Variants in DOK6 observed in about 807,000 individuals in gnomAD.
The protein encoded by DOK6 is docking protein 6.
DOK6 carries 22 observed loss-of-function variants against 44.0 expected under a neutral mutation model. That is an observed-to-expected ratio of 0.50 (90% CI 0.36 to 0.71). DOK6 has a LOEUF of 0.71. Among genes scored for constraint, DOK6 ranks in the 30% least tolerant of loss-of-function variants. The pLI, the probability that DOK6 is intolerant of heterozygous loss-of-function variation, is 0.00. For missense variants in DOK6, 340 were observed against 416.4 expected (o/e 0.82, Z 1.60); for synonymous variants, 166 against 145.5 (o/e 1.14, Z -1.01).
intron 1 of DOK6, 121 bp from the exon 2 acceptor site, chr18:69,564,366 T>C (rs1448419919): frequency 1.4e-6 from 1 of 701,456 alleles, no homozygotes; most frequent in Non-Finnish European, 2.4e-6. Flanking sequence ...AAGAACATGT[T>C]TGTCAATCAA....
At chr18:69,807,309 T>G (rs1374420627) in intron 7 of DOK6, among the ~76,000 whole-genome samples, 1 of 151,676 alleles carries the variant, frequency 6.6e-6, no homozygotes, top group Non-Finnish European at 1.5e-5. Flanking sequence ...AAACAGAAAG[T>G]AAGAAATCAA....
chr18:69,716,335 C>G (rs1287577392), intron 5 of DOK6, among the ~76,000 whole-genome samples: 1 of 152,180 alleles, frequency 6.6e-6, no homozygotes, highest in Non-Finnish European at 1.5e-5. Flanking sequence ...TTGAAAATGT[C>G]ACCATGCAAT....
intron 1 of DOK6, among the ~76,000 whole-genome samples, chr18:69,459,321 C>T (rs762434237): frequency 4.0e-5 from 6 of 151,582 alleles, no homozygotes; most frequent in Non-Finnish European, 7.4e-5. Flanking sequence ...TTCTAGGGCT[C>T]ATACATTTCT....
intron 7 of DOK6, among the ~76,000 whole-genome samples, chr18:69,793,707 T>A (rs1206018692): frequency 3.3e-5 from 5 of 152,108 alleles, no homozygotes; most frequent in Non-Finnish European, 5.9e-5. Flanking sequence ...AAACCCAAGT[T>A]TTCAGAGTTC....
chr18:69,455,156 C>CAA (rs58451274), intron 1 of DOK6, among the ~76,000 whole-genome samples: 11 of 117,432 alleles, frequency 9.4e-5, no homozygotes, highest in South Asian at 2.9e-4. Context: ...ATAGCTATAG[C>CAA]AAAAAAAAAA....
At chr18:69,557,389 A>G (rs532894632) in intron 1 of DOK6, among the ~76,000 whole-genome samples, 23 of 152,332 alleles carry the variant, frequency 1.5e-4, no homozygotes, top group African/African-American at 5.5e-4. Context: ...AATTACGGCT[A>G]TGAACTGAAG....
chr18:69,527,853 G>A (rs1981872768), intron 1 of DOK6, among the ~76,000 whole-genome samples: 1 of 151,988 alleles, frequency 6.6e-6, no homozygotes, highest in South Asian at 2.1e-4. Flanking sequence ...AATCATAAAG[G>A]TTACTTCCCA....
chr18:69,591,834 G>A (rs1188128537), intron 2 of DOK6, among the ~76,000 whole-genome samples: 1 of 152,012 alleles, frequency 6.6e-6, no homozygotes, highest in African/African-American at 2.4e-5. Context: ...GCTGAGCTTA[G>A]AGAAAGAATC....
chr18:69,612,399 T>TGCA (rs546114466), intron 3 of DOK6, among the ~76,000 whole-genome samples: 11 of 62,412 alleles, frequency 1.8e-4, no homozygotes, highest in Non-Finnish European at 3.1e-4. Context: ...CGAAGAGACT[T>TGCA]TGTGTGCGAG....
At chr18:69,415,550 ATATT>A (rs1463872797) in intron 1 of DOK6, among the ~76,000 whole-genome samples, 10 of 152,234 alleles carry the variant, frequency 6.6e-5, no homozygotes, top group African/African-American at 2.4e-4. Context: ...TAGGCACCAG[ATATT>A]TATTTTACCA....
intron 3 of DOK6, among the ~76,000 whole-genome samples, chr18:69,668,411 C>T (rs569856221): frequency 6.6e-6 from 1 of 151,970 alleles, no homozygotes; most frequent in Non-Finnish European, 1.5e-5. Flanking sequence ...TCATGCTATT[C>T]TTTTCATTTT....
At chr18:69,743,396 A>T (rs1394916377) in intron 6 of DOK6, among the ~76,000 whole-genome samples, 3 of 152,168 alleles carry the variant, frequency 2.0e-5, no homozygotes, top group Non-Finnish European at 2.9e-5. Context: ...AAGTTTTGAC[A>T]CTGTGATAGA....
At chr18:69,819,320 C>T (rs767818683) in intron 7 of DOK6, among the ~76,000 whole-genome samples, 4 of 152,052 alleles carry the variant, frequency 2.6e-5, no homozygotes, top group Admixed American at 6.6e-5. Flanking sequence ...GTCATTAATG[C>T]ACATTTTTAA....
At chr18:69,732,793 A>T (rs1978455664) in intron 5 of DOK6, among the ~76,000 whole-genome samples, 1 of 152,176 alleles carries the variant, frequency 6.6e-6, no homozygotes, top group Non-Finnish European at 1.5e-5. Context: ...AGAGGGTTAA[A>T]TGGCATTTCA....
chr18:69,527,798 A>G (rs946874847), intron 1 of DOK6, among the ~76,000 whole-genome samples: 7 of 152,186 alleles, frequency 4.6e-5, no homozygotes, highest in Non-Finnish European at 8.8e-5. Flanking sequence ...ATTGCTTTTT[A>G]TAGCTAAATA....
intron 3 of DOK6, among the ~76,000 whole-genome samples, chr18:69,602,570 GATTA>G (rs752497640): frequency 5.9e-5 from 9 of 152,140 alleles, no homozygotes; most frequent in Admixed American, 5.9e-4. Flanking sequence ...AAAATGTGGT[GATTA>G]GTTAGTAAAA....
At chr18:69,809,561 CACAG>C (rs1393856540) in intron 7 of DOK6, among the ~76,000 whole-genome samples, 5 of 44,796 alleles carry the variant, frequency 1.1e-4, no homozygotes, top group East Asian at 1.2e-3. Context: ...ACTTCACACA[CACAG>C]ACACACACAC....
intron 1 of DOK6, among the ~76,000 whole-genome samples, chr18:69,445,994 T>A (rs1446816890): frequency 6.6e-6 from 1 of 152,132 alleles, no homozygotes; most frequent in Non-Finnish European, 1.5e-5. Flanking sequence ...TCTCTTTTTT[T>A]CGTGGTCAGT....
At chr18:69,480,508 T>A (rs1250979461) in intron 1 of DOK6, among the ~76,000 whole-genome samples, 1 of 152,208 alleles carries the variant, frequency 6.6e-6, no homozygotes, top group Non-Finnish European at 1.5e-5. Context: ...TTTTAAGATC[T>A]TCTGAAATAT....
Sources: allele counts gnomAD v4.1 joint callset (sites outside exome capture counted in the v4.1 genomes callset), GRCh38; gene constraint gnomAD v4.1.1; transcripts MANE v1.5; gene names NCBI Gene and HGNC (gene_info 2026-07-23, HGNC 2026-07-21).